KCNH8: variants seen among roughly 807,000 people sequenced by gnomAD.
The protein encoded by KCNH8 is potassium voltage-gated channel subfamily H member 8.
In KCNH8, 70 loss-of-function variants were observed where a neutral mutation model predicts 103.6. That is an observed-to-expected ratio of 0.68 (90% confidence interval 0.56 to 0.82). The LOEUF is 0.82. Among genes scored for constraint, KCNH8 ranks in the 40% least tolerant of loss-of-function variants. The pLI is 0.00. For missense variants in KCNH8, 1,217 were observed against 1,329.9 expected, an observed-to-expected ratio of 0.92 and a Z score of 1.32; for synonymous variants, 498 against 489.4, an observed-to-expected ratio of 1.02 and a Z score of -0.23.
At chr3:19,523,613 T>C (rs1173176822) in intron 15 of KCNH8, among the ~76,000 whole-genome samples, 2 of 152,084 alleles carry the variant, frequency 1.3e-5, no homozygotes, top group African/African-American at 2.4e-5. Flanking sequence ...TGGAGCACAG[T>C]TGTTCGGTTT....
At chr3:19,182,547 G>T (rs1258099582) in intron 1 of KCNH8, among the ~76,000 whole-genome samples, 1 of 152,070 alleles carries the variant, frequency 6.6e-6, no homozygotes, top group Non-Finnish European at 1.5e-5. Flanking sequence ...AAAAGAAGAG[G>T]CTTAAAAAGT....
In KCNH8 at chr3:19,456,856, T is replaced by G; in HGVS notation, c.1914T>G (p.Asp638Glu). The change falls in exon 11 of 16, where the codon GAT (aspartate) becomes GAG (glutamate). Residue 638 changes from aspartate to glutamate, a missense_variant. By Grantham distance (45) the Asp-to-Glu change is conservative (BLOSUM62 2). Coordinates refer to ENST00000328405, the MANE Select transcript of KCNH8 (RefSeq NM_144633.3). Reference sequence around the variant, plus strand: ...ATGTAAAGGCTTTAACCTACTGTGATCTCCAGTGTATCATCCTCAAAGGAC... The same window carrying G: ...ATGTAAAGGCTTTAACCTACTGTGAGCTCCAGTGTATCATCCTCAAAGGAC... The part of the protein sequence containing the change: ...NADVKALTYC[D>E]LQCIILKGLF... The G allele has an allele frequency of 6.2e-7, 1 of 1,612,294 alleles. No homozygotes were observed. The highest frequency in any genetic ancestry group is 8.5e-7 in the Non-Finnish European group (1 of 1,178,732).
chr3:19,168,362 G>A (rs1190638409), intron 1 of KCNH8, among the ~76,000 whole-genome samples: 2 of 152,022 alleles, frequency 1.3e-5, no homozygotes, highest in Admixed American at 6.6e-5. Flanking sequence ...GTCGTTTCAA[G>A]AACATCATAT....
intron 3 of KCNH8, among the ~76,000 whole-genome samples, chr3:19,340,174 C>T (rs1363704894): frequency 6.6e-6 from 1 of 152,040 alleles, no homozygotes; most frequent in Non-Finnish European, 1.5e-5. Context: ...GCATCAGCAA[C>T]AGTCATATGG....
At chr3:19,393,654 G>A (rs2066471440) in intron 6 of KCNH8, among the ~76,000 whole-genome samples, 1 of 151,890 alleles carries the variant, frequency 6.6e-6, no homozygotes, top group Non-Finnish European at 1.5e-5. Context: ...TACAAATCTT[G>A]GCATCTGACC....
At chr3:19,395,740 C>A (rs994869421) in intron 7 of KCNH8, among the ~76,000 whole-genome samples, 3 of 151,986 alleles carry the variant, frequency 2.0e-5, no homozygotes, top group Non-Finnish European at 4.4e-5. Context: ...AGATATCCTA[C>A]CATCCTTCCC....
At chr3:19,471,315 T>C (rs964096321) in intron 11 of KCNH8, among the ~76,000 whole-genome samples, 202 of 152,288 alleles carry the variant, frequency 1.3e-3, no homozygotes, top group Non-Finnish European at 2.1e-4. Context: ...AACAACCTAC[T>C]GCTATATCCA....
intron 3 of KCNH8, among the ~76,000 whole-genome samples, chr3:19,318,662 T>TGTGTGTACACACACACACACACACAC (rs1491117852): frequency 7.0e-6 from 1 of 142,522 alleles, no homozygotes; most frequent in African/African-American, 2.6e-5. Flanking sequence ...TGTGTGTGTG[T>TGTGTGTACACACACACACACACACAC]ACACACACAC....
intron 3 of KCNH8, among the ~76,000 whole-genome samples, chr3:19,316,919 T>C (rs2065282149): frequency 6.6e-6 from 1 of 151,918 alleles, no homozygotes; most frequent in African/African-American, 2.4e-5. Flanking sequence ...TGCTTTGAAA[T>C]TGGATGAATA....
At chr3:19,151,333 A>G (rs1353881240) in intron 1 of KCNH8, among the ~76,000 whole-genome samples, 1 of 152,158 alleles carries the variant, frequency 6.6e-6, no homozygotes, top group Non-Finnish European at 1.5e-5. Flanking sequence ...CTTTGCTGGA[A>G]AGTGAATAAT....
At chr3:19,316,482 G>T (rs2065276090) in intron 3 of KCNH8, among the ~76,000 whole-genome samples, 1 of 151,910 alleles carries the variant, frequency 6.6e-6, no homozygotes, top group Admixed American at 6.6e-5. Flanking sequence ...TTGAATTTTG[G>T]TGTTGAAATG....
At chr3:19,291,252 A>C in intron 3 of KCNH8, among the ~76,000 whole-genome samples, 1 of 150,906 alleles carries the variant, frequency 6.6e-6, no homozygotes, top group South Asian at 2.1e-4. Context: ...CTTCAGTTCT[A>C]CTCTGATCTT....
chr3:19,374,946 T>C (rs1454741103), intron 5 of KCNH8, among the ~76,000 whole-genome samples: 2 of 152,116 alleles, frequency 1.3e-5, no homozygotes, highest in African/African-American at 2.4e-5. Flanking sequence ...CACTCTCTTC[T>C]GGCTTGTAGG....
chr3:19,406,484 T>C lies in KCNH8; in HGVS notation c.1177+11173T>C, dbSNP rs186953301. Among the ~76,000 whole-genome samples the C allele has an allele frequency of 4.1e-4, 63 of 152,260 alleles. No individual in the cohort carries two copies. In the South Asian group the frequency reaches 5.2e-3, roughly 13 times the overall value. ...TTTAAAATGTTCAAAATTTCATTTC[T>C]GGTTTAATTTCTAAAGGACAGTAAG... is the stretch of plus-strand genomic sequence containing the variant. On this transcript the variant is annotated intron_variant, in intron 7 of 15. Transcript: ENST00000328405.
intron 5 of KCNH8, among the ~76,000 whole-genome samples, chr3:19,386,223 T>C (rs2066354233): frequency 1.3e-5 from 2 of 152,196 alleles, no homozygotes; most frequent in African/African-American, 4.8e-5. Flanking sequence ...GGAAATAGAA[T>C]ATGTACACAT....
Position 19,533,810 on chromosome 3 carries a change from T to C in KCNH8, c.3035T>C (p.Ile1012Thr), listed in dbSNP as rs2069215027. 3 of 1,614,062 alleles carry C rather than the reference T, an allele frequency of 1.9e-6. No homozygotes were observed. Among genetic ancestry groups the C allele is most frequent in the African/African-American group, 1.3e-5 (1 of 74,926 alleles). Residue 1012 changes from isoleucine (I) to threonine (T), a missense_variant, in exon 16 of 16, where the codon ATC (isoleucine) becomes ACC (threonine). Physicochemically the swap from Ile to Thr is moderately conservative, Grantham distance 89 (BLOSUM62 -1). Around this residue, in one of 3 missense-constraint regions of KCNH8, gnomAD observed 558 missense variants for 495.8 expected, o/e 1.13. Coordinates refer to ENST00000328405, the MANE Select transcript of KCNH8 (RefSeq NM_144633.3). ...GGTCATTTGCAATTTTTAAGGTGCA[T>C]CTCTCCACATTCAGATTCTACGTTG... ...QEGHLQFLRC[I>T]SPHSDSTLTP...
intron 8 of KCNH8, among the ~76,000 whole-genome samples, chr3:19,441,824 TGA>T (rs1575070995): frequency 6.6e-6 from 1 of 152,148 alleles, no homozygotes; most frequent in East Asian, 1.9e-4. Flanking sequence ...CTTCCTTGCA[TGA>T]GAGATGTGAT....
intron 11 of KCNH8, among the ~76,000 whole-genome samples, chr3:19,481,319 T>C (rs1328606310): frequency 6.6e-6 from 1 of 152,150 alleles, no homozygotes; most frequent in African/African-American, 2.4e-5. Context: ...AAAGGCTTCA[T>C]TGCAATGAGC....
intron 5 of KCNH8, among the ~76,000 whole-genome samples, chr3:19,372,244 G>T (rs938482477): frequency 2.6e-4 from 40 of 152,094 alleles, no homozygotes; most frequent in Admixed American, 2.2e-3. Flanking sequence ...CTACCCATGA[G>T]CATGGAATGT....
Sources: gnomAD v4.1 joint callset for allele counts (sites outside exome capture counted in the v4.1 genomes callset) on GRCh38, gnomAD v4.1.1 for gene constraint, gnomAD v4.1.1 regional missense constraint, MANE v1.5 for transcripts, NCBI Gene and HGNC (gene_info 2026-07-23, HGNC 2026-07-21) for gene names.